Variants in RAB3IP observed in about 807,000 individuals in gnomAD.
RAB3IP encodes the protein RAB3A interacting protein, also known as rab-3A-interacting protein.
Under a neutral mutation model 59.1 loss-of-function variants are expected in RAB3IP, and 36 were observed. The observed-to-expected ratio is 0.61, with a 90% confidence interval of 0.47 to 0.80. RAB3IP has a LOEUF of 0.80. Ranked by LOEUF, RAB3IP falls within the 30% of genes least tolerant of loss-of-function variation. RAB3IP has a pLI of 0.00. For synonymous variants in RAB3IP, 207 were observed against 191.2 expected (o/e 1.08, Z -0.68); for missense variants, 511 against 536.0 (o/e 0.95, Z 0.46).
At chr12:69,779,466 T>G (rs1426072558) in intron 3 of RAB3IP, among the ~76,000 whole-genome samples, 2 of 152,082 alleles carry the variant, frequency 1.3e-5, no homozygotes, top group African/African-American at 4.8e-5. Context: ...TATTCCCTCT[T>G]GAACTCCAAT....
At position 69,817,232 on chromosome 12, in the gene RAB3IP, T is replaced by C. The variant is rs1881222862; in HGVS notation, c.*1786T>C. 1 of 152,182 alleles carries C rather than the reference T, an allele frequency of 6.6e-6. No homozygotes were observed. The highest frequency in any genetic ancestry group is 1.9e-4 in the East Asian group (1 of 5,196). The allele number at this position is 152,182 out of a possible 1,614,324, so 9.4% of individuals were successfully genotyped here. A position where few individuals can be genotyped will look rare whatever the true frequency, so the allele number is the denominator to read the frequency against. ...TAAAGAAAATCAGTATACCCATTAA[T>C]AATAAATCTTTAGTAATCTATAAGG... is the stretch of plus-strand genomic sequence containing the variant. On this transcript the variant is annotated 3_prime_UTR_variant, in exon 11 of 11. Coordinates refer to ENST00000247833, the MANE Select transcript of RAB3IP (RefSeq NM_022456.5).
intron 1 of RAB3IP, among the ~76,000 whole-genome samples, chr12:69,745,727 G>A (rs1868311826): frequency 1.3e-5 from 2 of 152,144 alleles, no homozygotes; most frequent in South Asian, 4.1e-4. Flanking sequence ...TGTTACATAG[G>A]TATACACGTG....
intron 1 of RAB3IP, among the ~76,000 whole-genome samples, chr12:69,750,181 T>G (rs1185346573): frequency 6.6e-6 from 1 of 152,156 alleles, no homozygotes; most frequent in African/African-American, 2.4e-5. Flanking sequence ...ATGCTTAATA[T>G]TTAGTAAGTG....
intron 1 of RAB3IP, chr12:69,739,493 C>T (rs1321201982): frequency 1.3e-5 from 4 of 300,228 alleles, no homozygotes; most frequent in Non-Finnish European, 2.5e-5. Flanking sequence ...GGAAGCAGCT[C>T]ACAACACCGG....
At chr12:69,773,421 T>TTTTTTTTTTTTTTTTTTTTTTTTTTG (rs1873525889) in intron 3 of RAB3IP, among the ~76,000 whole-genome samples, 1 of 129,350 alleles carries the variant, frequency 7.7e-6, no homozygotes, top group Non-Finnish European at 1.6e-5. Context: ...TTTTTTTTTT[T>TTTTTTTTTTTTTTTTTTTTTTTTTTG]TTATTATACT....
intron 3 of RAB3IP, among the ~76,000 whole-genome samples, chr12:69,768,566 G>C (rs1465949073): frequency 6.6e-6 from 1 of 152,160 alleles, no homozygotes; most frequent in Non-Finnish European, 1.5e-5. Context: ...TTCTCCCTGG[G>C]GTGGAGTGAG....
intron 1 of RAB3IP, 149 bp from the exon 2 acceptor site, chr12:69,755,235 T>A (rs74371230): frequency 8.8e-6 from 6 of 681,082 alleles, no homozygotes; most frequent in African/African-American, 7.2e-5. Context: ...TATACCACCA[T>A]GTGATTGTGG....
At chr12:69,744,092 C>T (rs1246311014) in intron 1 of RAB3IP, among the ~76,000 whole-genome samples, 1 of 151,892 alleles carries the variant, frequency 6.6e-6, no homozygotes, top group Non-Finnish European at 1.5e-5. Context: ...CCGGTCAACC[C>T]ATCATCTACC....
intron 1 of RAB3IP, chr12:69,739,770 A>T: frequency 6.4e-7 from 1 of 1,568,354 alleles, no homozygotes; most frequent in South Asian, 1.1e-5. Context: ...CCGACCGCCC[A>T]GGAAGCGCGA....
In RAB3IP at chr12:69,820,947, A is replaced by G. The variant is rs1164065841; in HGVS notation, c.*5501A>G. The G allele has an allele frequency of 1.3e-5, 2 of 152,028 alleles. No individual in the cohort carries two copies. The highest frequency in any genetic ancestry group is 2.9e-5 in the Non-Finnish European group (2 of 68,026). The allele number at this position is 152,028 out of a possible 1,614,324, so 9.4% of individuals were successfully genotyped here. A position where few individuals can be genotyped will look rare whatever the true frequency, so the allele number is the denominator to read the frequency against. ...AGAGAAATAACAATGAAAGCTTTAA[A>G]AAACTCCATGAAAATTTGCAAAACT... On this transcript the variant is annotated 3_prime_UTR_variant, in exon 11 of 11. Coordinates refer to ENST00000247833, the MANE Select transcript of RAB3IP (RefSeq NM_022456.5).
In RAB3IP at chr12:69,739,653, C is replaced by T. The variant is rs74101316; in HGVS notation, c.-26+622C>T. Reference sequence around the variant, plus strand: ...AATTCCGGGCAGGCGCCCGGAGTCGCGCCCAAGTAGGCAGCTCCGTGCCGC... The same window carrying T: ...AATTCCGGGCAGGCGCCCGGAGTCGTGCCCAAGTAGGCAGCTCCGTGCCGC... On this transcript the variant is annotated intron_variant, in intron 1 of 10. Coordinates refer to ENST00000247833, the MANE Select transcript of RAB3IP (RefSeq NM_022456.5). 0.011 allele frequency: 6,795 copies of T among 621,972 alleles called. 340 individuals carry two copies. The African/African-American group carries it at 0.11, about 10-fold the overall frequency. The allele number at this position is 621,972 out of a possible 1,614,324, so 38.5% of individuals were successfully genotyped here.
chr12:69,812,799 G>C lies in RAB3IP; in HGVS notation c.1152G>C (p.Gln384His), dbSNP rs762399553. 1 of 1,612,562 alleles carries C rather than the reference G, an allele frequency of 6.2e-7. No individual in the cohort carries two copies. The highest frequency in any genetic ancestry group is 1.7e-5 in the Admixed American group (1 of 59,980). Residue 384 changes from glutamine to histidine, a missense_variant, in exon 9 of 11, where the codon CAG becomes CAC. Gln to His is a conservative substitution (Grantham distance 24). Transcript: ENST00000247833. ...GGPKKCALTGQSKSCKHRIKL... is the reference protein window; with the variant it reads ...GGPKKCALTGHSKSCKHRIKL... ...ACAGAAAATGTGCTCTCACTGGCCA[G>C]AGTAAGTCCTGTAAACACAGAATTA...
chr12:69,750,342 A>G (rs1249743815), intron 1 of RAB3IP, among the ~76,000 whole-genome samples: 2 of 152,184 alleles, frequency 1.3e-5, no homozygotes, highest in Non-Finnish European at 2.9e-5. Context: ...TATTTCATCT[A>G]TAAATACTTC....
chr12:69,811,844 A>G (rs1323952274), intron 8 of RAB3IP, among the ~76,000 whole-genome samples: 1 of 152,198 alleles, frequency 6.6e-6, no homozygotes, highest in Admixed American at 6.5e-5. Flanking sequence ...TATTTCTTGT[A>G]TCGCTAAAAT....
rs370977782 is a variant in RAB3IP at position 69,815,360 on chromosome 12, A to G, written c.1301-4A>G. 6.9e-6 allele frequency: 11 copies of G among 1,590,186 alleles called. No homozygotes were observed. In the Admixed American group the frequency reaches 8.4e-5, roughly 12 times the overall value. ...TTAAATATCTCTCTTTTCTGTTTGT[A>G]TAGTTGATCAGATGTTTTGGGAGGT... On this transcript the variant is annotated splice_region_variant and splice_polypyrimidine_tract_variant and intron_variant, in intron 10 of 10. Transcript: ENST00000247833.
At chr12:69,742,121 A>G (rs1887405368) in intron 1 of RAB3IP, among the ~76,000 whole-genome samples, 1 of 152,228 alleles carries the variant, frequency 6.6e-6, no homozygotes, top group Admixed American at 6.5e-5. Context: ...CAACTAAGAC[A>G]AAGTGCTAGG....
chr12:69,738,509 G>A (rs986200652), upstream of RAB3IP: 7 of 152,258 alleles, frequency 4.6e-5, no homozygotes, highest in Non-Finnish European at 8.8e-5. Flanking sequence ...CACGGCAAAG[G>A]TGCCTCTTCT....
chr12:69,808,611 G>A (rs926909083), intron 8 of RAB3IP, among the ~76,000 whole-genome samples: 4 of 152,148 alleles, frequency 2.6e-5, no homozygotes, highest in African/African-American at 9.7e-5. Context: ...TATATATTTA[G>A]GATAGTTAGT....
intron 1 of RAB3IP, among the ~76,000 whole-genome samples, chr12:69,740,183 C>T (rs1320255216): frequency 6.6e-6 from 1 of 151,896 alleles, no homozygotes; most frequent in Non-Finnish European, 1.5e-5. Flanking sequence ...TCTTCCAGTG[C>T]TGAATGACAA....
Sources: gnomAD v4.1 joint callset for allele counts (sites outside exome capture counted in the v4.1 genomes callset) on GRCh38, gnomAD v4.1.1 for gene constraint, MANE v1.5 for transcripts, NCBI Gene and HGNC (gene_info 2026-07-23, HGNC 2026-07-21) for gene names.